Variants in ARFGEF2 observed in about 807,000 individuals in gnomAD.
ARFGEF2 encodes the protein ARF guanine nucleotide exchange factor 2, also known as brefeldin A-inhibited guanine nucleotide-exchange protein 2.
A neutral mutation model predicts 219.9 loss-of-function variants in ARFGEF2; 74 were observed. The observed-to-expected ratio is 0.34, with a 90% CI of 0.28 to 0.41. ARFGEF2 has a LOEUF of 0.41. Ranked by LOEUF, ARFGEF2 falls within the 10% of genes least tolerant of loss-of-function variation. The probability of loss-of-function intolerance (pLI) is 1.00; values close to 1 mark genes in which losing one functional copy is unlikely to be tolerated. For synonymous variants in ARFGEF2, 733 were observed against 799.2 expected (o/e 0.92, Z 1.40); for missense variants, 1,743 against 2,218.3 (o/e 0.79, Z 4.30).
intron 3 of ARFGEF2, among the ~76,000 whole-genome samples, chr20:48,950,987 C>G (rs2091067553): frequency 6.6e-6 from 1 of 151,618 alleles, no homozygotes. Flanking sequence ...CTATGTCTCC[C>G]TACGCCGCCC....
intron 1 of ARFGEF2, among the ~76,000 whole-genome samples, chr20:48,925,606 T>C (rs1273494232): frequency 6.6e-6 from 1 of 152,142 alleles, no homozygotes; most frequent in African/African-American, 2.4e-5. Context: ...GAGGCCAAGG[T>C]GGGCAGATTG....
intron 1 of ARFGEF2, among the ~76,000 whole-genome samples, chr20:48,924,110 T>C (rs569722979): frequency 1.1e-4 from 16 of 152,346 alleles, no homozygotes; most frequent in Admixed American, 5.2e-4. Context: ...TGCTGTTAAA[T>C]AGAAATGACT....
intron 8 of ARFGEF2, among the ~76,000 whole-genome samples, chr20:48,968,267 ACAGGCGTGAGCCACCGTG>A: frequency 1.3e-5 from 2 of 152,318 alleles, no homozygotes; most frequent in Middle Eastern, 6.8e-3. Context: ...TGCTGGGATT[ACAGGCGTGAGCCACCGTG>A]CCTGGCCAAA....
rs971343367 is a variant in ARFGEF2 at position 48,921,716 on chromosome 20, G to C, written c.-174G>C. 1.3e-5 allele frequency among the ~76,000 whole-genome samples: 2 copies of C among 152,086 alleles called. No homozygotes were observed. Among genetic ancestry groups the C allele is most frequent in the Non-Finnish European group, 2.9e-5 (2 of 67,968 alleles). On this transcript the variant is annotated 5_prime_UTR_variant, in exon 1 of 39. Coordinates refer to ENST00000371917, the MANE Select transcript of ARFGEF2 (RefSeq NM_006420.3). ...CCGTAGCGGCCTCGCCAGTCACGTG[G>C]TCACGTGACGCGCTCCAACATGGCG...
chr20:48,930,462 C>G (rs950523123), intron 1 of ARFGEF2, among the ~76,000 whole-genome samples: 1 of 152,188 alleles, frequency 6.6e-6, no homozygotes, highest in Non-Finnish European at 1.5e-5. Context: ...AATTTCCAAC[C>G]TGGTTAGAAG....
chr20:49,022,290 A>C (rs2123554268), intron 34 of ARFGEF2, among the ~76,000 whole-genome samples: 1 of 152,094 alleles, frequency 6.6e-6, no homozygotes, highest in East Asian at 1.9e-4. Flanking sequence ...CCAGGCAAGC[A>C]ATGGCTCACA....
At chr20:48,937,097 C>G (rs2090963140) in intron 1 of ARFGEF2, among the ~76,000 whole-genome samples, 1 of 152,164 alleles carries the variant, frequency 6.6e-6, no homozygotes, top group Non-Finnish European at 1.5e-5. Context: ...AAAACAAAAA[C>G]AAAAGGTGCT....
intron 13 of ARFGEF2, 79 bp downstream of exon 13, chr20:48,974,953 G>A (rs2091252014): frequency 8.0e-7 from 1 of 1,252,030 alleles, no homozygotes; most frequent in South Asian, 1.3e-5. Flanking sequence ...TCTTAGTATA[G>A]TTGTCTTAGA....
rs540964686 is a variant in ARFGEF2, at chr20:49,023,166, C to G, written c.4740C>G (p.His1580Gln). 6.2e-7 allele frequency: 1 copy of G among 1,614,140 alleles called. No homozygotes were observed. The highest frequency in any genetic ancestry group is 1.3e-5 in the African/African-American group (1 of 75,042). The part of the protein sequence containing the change: ...PATSKKEDAE[H>Q]MVAAQQDTLD... The stretch of plus-strand genomic sequence containing the variant: ...CGAGCAAAAAGGAGGATGCAGAGCA[C>G]ATGGTTGCCGCCCAGGTAAGAACAG... The change falls in exon 35 of 39, where the codon CAC becomes CAG. Residue 1580 changes from histidine to glutamine, a missense_variant. Physicochemically the swap from His to Gln is conservative, Grantham distance 24. Transcript: ENST00000371917.
intron 1 of ARFGEF2, among the ~76,000 whole-genome samples, chr20:48,927,676 A>G (rs2090886692): frequency 6.6e-6 from 1 of 151,864 alleles, no homozygotes; most frequent in African/African-American, 2.4e-5. Context: ...CAACAGAGCG[A>G]GACTCTGTCT....
rs1018960445 is a variant in ARFGEF2, at chr20:48,921,791, G to A, written c.-99G>A. ...TCCTGACGGGGCGGCGCGGACGGAC[G>A]CGGCCGGTGCCGGCCGGGACGCCGG... On this transcript the variant is annotated 5_prime_UTR_variant, in exon 1 of 39. Coordinates refer to ENST00000371917, the MANE Select transcript of ARFGEF2 (RefSeq NM_006420.3). 9 of 1,160,178 alleles carry A rather than the reference G, an allele frequency of 7.8e-6. No individual in the cohort carries two copies. In the East Asian group the frequency reaches 3.5e-4, roughly 45 times the overall value. The allele number at this position is 1,160,178 out of a possible 1,614,324, so 71.9% of individuals were successfully genotyped here.
rs56730863 is a variant in ARFGEF2 at position 49,005,737 on chromosome 20, CAAAAAAAAA to C, written c.3584+529_3584+537del. 1.5e-3 allele frequency among the ~76,000 whole-genome samples: 92 copies of C among 62,212 alleles called. 1 individual carries two copies. The South Asian group carries it at 0.02, about 14-fold the overall frequency. The allele number at this position is 62,212 out of a possible 152,430, so 40.8% of individuals were successfully genotyped here. ...TGGGTGAAAGAGCAAGACTCCGTCT[CAAAAAAAAA>C]AAAAAAAAAAAAGAAAAGAAATATG... On this transcript the variant is annotated intron_variant, in intron 26 of 38. Transcript: ENST00000371917.
rs142138231 is a variant in ARFGEF2, at chr20:49,012,066, C to T, written c.3900C>T (p.Tyr1300=). ...GGCTCATCCGCTTCTGTGGCAAATA[C>T]GTCTCTGAGAGGCCTCGGGTTCGTT... ...AIRLIRFCGK[Y]VSERPRVLQE... Residue 1300 remains tyrosine (Y), a synonymous_variant, in exon 28 of 39, where the codon TAC becomes TAT. Coordinates refer to ENST00000371917, the MANE Select transcript of ARFGEF2 (RefSeq NM_006420.3). 11 of 1,614,178 alleles carry T rather than the reference C, an allele frequency of 6.8e-6. No individual in the cohort carries two copies. The highest frequency in any genetic ancestry group is 9.3e-6 in the Non-Finnish European group (11 of 1,180,028).
chr20:48,951,250 C>A, intron 3 of ARFGEF2, 73 bp from the exon 4 acceptor site: 1 of 1,578,932 alleles, frequency 6.3e-7, no homozygotes, highest in South Asian at 1.1e-5. Context: ...GTCTTTTGCT[C>A]TTGTGGGCTG....
chr20:48,953,769 G>C lies in ARFGEF2; in HGVS notation c.817G>C (p.Glu273Gln), dbSNP rs746481367. 6.2e-7 allele frequency: 1 copy of C among 1,614,056 alleles called. No homozygotes were observed. Among genetic ancestry groups the C allele is most frequent in the Non-Finnish European group, 8.5e-7 (1 of 1,179,952 alleles). ...CACAGAAAATGGAGACGCACCCAGA[G>C]AAAGAGGCTCATCACTGTCAGGTAC... ...VSTENGDAPR[E>Q]RGSSLSGTDD... The change falls in exon 6 of 39, where the codon GAA becomes CAA. Residue 273 changes from glutamate (E) to glutamine (Q), a missense_variant. By Grantham distance (29) the Glu-to-Gln change is conservative (BLOSUM62 2). Coordinates refer to ENST00000371917, the MANE Select transcript of ARFGEF2 (RefSeq NM_006420.3).
chr20:49,024,521 C>T (rs1313341054), intron 35 of ARFGEF2, among the ~76,000 whole-genome samples: 1 of 152,084 alleles, frequency 6.6e-6, no homozygotes, highest in African/African-American at 2.4e-5. Context: ...TCTCGTGTTT[C>T]AAGAGTAGCC....
chr20:49,036,011 AT>A lies in ARFGEF2; in HGVS notation c.*2820del, dbSNP rs1305750457. On this transcript the variant is annotated 3_prime_UTR_variant, in exon 39 of 39. Transcript: ENST00000371917. ...ACGAAATGAAAAAAAAAAAACCTGT[AT>A]TTTTTTTGTTGTTCTTTTGTGATTA... The A allele has an allele frequency of 3.4e-5, 13 of 387,808 alleles. No individual in the cohort carries two copies. Among genetic ancestry groups the A allele is most frequent in the Admixed American group, 4.5e-5 (1 of 22,342 alleles). The allele number at this position is 387,808 out of a possible 1,614,324, so 24.0% of individuals were successfully genotyped here.
At chr20:48,974,957 T>C in intron 13 of ARFGEF2, 83 bp downstream of exon 13, 1 of 1,223,718 alleles carries the variant, frequency 8.2e-7, no homozygotes, top group South Asian at 1.3e-5. Flanking sequence ...AGTATAGTTG[T>C]CTTAGAATTG....
chr20:48,962,412 T>G (rs537760500), intron 6 of ARFGEF2, among the ~76,000 whole-genome samples: 1 of 152,302 alleles, frequency 6.6e-6, no homozygotes, highest in South Asian at 2.1e-4. Context: ...GTAATCTTCC[T>G]GGACCACTAT....
Sources: gnomAD v4.1 joint callset for allele counts (sites outside exome capture counted in the v4.1 genomes callset) on GRCh38, gnomAD v4.1.1 for gene constraint, MANE v1.5 for transcripts, NCBI Gene and HGNC (gene_info 2026-07-23, HGNC 2026-07-21) for gene names.